Variants in AKAP19 observed in about 807,000 individuals in gnomAD.
The protein encoded by AKAP19 is A-kinase anchoring protein 19.
chr2:190,191,619 C>CT, the AKAP19 span, among the ~76,000 whole-genome samples: 1 of 152,192 alleles, frequency 6.6e-6, no homozygotes. Flanking sequence ...TGCAGTTGCT[C>CT]TGTATATGCA....
chr2:190,110,243 A>G, the AKAP19 span, among the ~76,000 whole-genome samples: 5,009 of 152,326 alleles, frequency 0.033, 249 homozygotes, highest in African/African-American at 0.11. Flanking sequence ...ATGTAAAACT[A>G]TATTGCAGTA....
chr2:189,986,392 C>T, the AKAP19 span, among the ~76,000 whole-genome samples: 2 of 141,972 alleles, frequency 1.4e-5, no homozygotes, highest in Non-Finnish European at 3.1e-5. Flanking sequence ...AAACAAACAA[C>T]AAAAACAAAA....
At chr2:189,891,414 G>A in the AKAP19 span, among the ~76,000 whole-genome samples, 3 of 149,596 alleles carry the variant, frequency 2.0e-5, no homozygotes, top group African/African-American at 7.6e-5. Context: ...TAGTAGAGAC[G>A]GGGTTTCACC....
chr2:190,132,309 G>T, the AKAP19 span, among the ~76,000 whole-genome samples: 1 of 152,046 alleles, frequency 6.6e-6, no homozygotes, highest in African/African-American at 2.4e-5. Flanking sequence ...AATTTGTATG[G>T]AACCACAAGA....
chr2:190,175,623 G>C, the AKAP19 span, among the ~76,000 whole-genome samples: 1 of 152,120 alleles, frequency 6.6e-6, no homozygotes, highest in Non-Finnish European at 1.5e-5. Context: ...TTTTTCTTCA[G>C]GAGTGAGAAG....
the AKAP19 span, among the ~76,000 whole-genome samples, chr2:190,021,045 G>C: frequency 6.6e-6 from 1 of 152,096 alleles, no homozygotes; most frequent in Non-Finnish European, 1.5e-5. Context: ...GAACACTTGA[G>C]TTACTTTCAT....
At chr2:190,060,821 G>A in the AKAP19 span, among the ~76,000 whole-genome samples, 1 of 151,960 alleles carries the variant, frequency 6.6e-6, no homozygotes, top group African/African-American at 2.4e-5. Flanking sequence ...TACACTTACT[G>A]AGCAGCTGTA....
At chr2:190,130,614 G>T in the AKAP19 span, among the ~76,000 whole-genome samples, 1 of 152,158 alleles carries the variant, frequency 6.6e-6, no homozygotes, top group Non-Finnish European at 1.5e-5. Flanking sequence ...CTGTATTGAT[G>T]ATCAAATGTA....
chr2:190,180,563 T>C, the AKAP19 span: 1 of 985,788 alleles, frequency 1.0e-6, no homozygotes, highest in African/African-American at 1.7e-5. The surrounding 1 kb of genome is among the most constrained non-coding windows in gnomAD (Gnocchi z 6.8). Flanking sequence ...CGCCGGCAGC[T>C]GCTTGGTAGT....
the AKAP19 span, among the ~76,000 whole-genome samples, chr2:190,157,155 T>A: frequency 5.9e-5 from 9 of 152,038 alleles, no homozygotes; most frequent in African/African-American, 2.2e-4. Flanking sequence ...TGGTAATAAT[T>A]TTACAGGGTA....
chr2:190,023,030 T>C, the AKAP19 span, among the ~76,000 whole-genome samples: 18 of 152,134 alleles, frequency 1.2e-4, no homozygotes, highest in Admixed American at 6.6e-5. Flanking sequence ...AAAGGAGAAA[T>C]GCCCCCAAGC....
chr2:190,195,731 T>C, the AKAP19 span, among the ~76,000 whole-genome samples: 1 of 152,212 alleles, frequency 6.6e-6, no homozygotes, highest in Non-Finnish European at 1.5e-5. Context: ...TTCTTGACCA[T>C]GTCTTAAACA....
chr2:190,065,396 A>C, the AKAP19 span, among the ~76,000 whole-genome samples: 6 of 152,280 alleles, frequency 3.9e-5, no homozygotes, highest in Admixed American at 6.5e-5. Flanking sequence ...AACAGTGTGA[A>C]TGTGCTTAAT....
At chr2:190,005,617 T>C in the AKAP19 span, among the ~76,000 whole-genome samples, 6 of 152,214 alleles carry the variant, frequency 3.9e-5, no homozygotes, top group African/African-American at 7.2e-5. Flanking sequence ...TTACATTTTG[T>C]CATTTTAGGG....
the AKAP19 span, among the ~76,000 whole-genome samples, chr2:190,095,070 A>C: frequency 6.6e-6 from 1 of 152,114 alleles, no homozygotes; most frequent in Admixed American, 6.5e-5. Context: ...TAAAAATACA[A>C]AAATTAGCCG....
chr2:189,981,295 G>C, the AKAP19 span, among the ~76,000 whole-genome samples: 1 of 96,940 alleles, frequency 1.0e-5, no homozygotes. Flanking sequence ...TTTTTTTGCT[G>C]TTGTTGGTTT....
chr2:190,077,945 A>T, the AKAP19 span, among the ~76,000 whole-genome samples: 4 of 152,254 alleles, frequency 2.6e-5, no homozygotes, highest in East Asian at 7.7e-4. Context: ...CTGGCTACTC[A>T]GAATTTAGAG....
the AKAP19 span, among the ~76,000 whole-genome samples, chr2:190,074,236 T>C: frequency 7.9e-5 from 12 of 152,278 alleles, no homozygotes; most frequent in South Asian, 2.3e-3. Context: ...AATATAAATA[T>C]TTCAGAATAG....
At chr2:190,005,988 C>G in the AKAP19 span, among the ~76,000 whole-genome samples, 10 of 152,242 alleles carry the variant, frequency 6.6e-5, no homozygotes, top group South Asian at 4.1e-4. Flanking sequence ...ACAATATATG[C>G]TAATGCTCAA....
Sources: gnomAD v4.1 joint callset for allele counts (sites outside exome capture counted in the v4.1 genomes callset) on GRCh38, gnomAD v4.1.1 for gene constraint, Gnocchi (gnomAD v3.1) non-coding constraint, MANE v1.5 for transcripts, NCBI Gene and HGNC (gene_info 2026-07-23, HGNC 2026-07-21) for gene names.